Variants in ZBTB41 observed in about 807,000 individuals in gnomAD.
ZBTB41 encodes the protein zinc finger and BTB domain containing 41, also known as zinc finger and BTB domain-containing protein 41.
Under a neutral mutation model 87.6 loss-of-function variants are expected in ZBTB41, and 42 were observed. That is an observed-to-expected ratio of 0.48 (90% CI 0.37 to 0.62). The LOEUF (loss-of-function observed/expected upper bound fraction) is 0.62, where lower values mean the gene tolerates loss of function less well. Among genes scored for constraint, ZBTB41 ranks in the 20% least tolerant of loss-of-function variants. ZBTB41 has a pLI of 0.00. For synonymous variants in ZBTB41, 364 were observed against 364.0 expected, an observed-to-expected ratio of 1.00 and a Z score of 0.00; for missense variants, 799 against 1,078.9, an observed-to-expected ratio of 0.74 and a Z score of 3.63.
chr1:197,181,350 A>T (rs1429419319), intron 5 of ZBTB41, among the ~76,000 whole-genome samples: 2 of 152,196 alleles, frequency 1.3e-5, no homozygotes, highest in East Asian at 3.8e-4. Flanking sequence ...TAATGAGTTA[A>T]CAAATTGAAA....
At chr1:197,161,882 A>G (rs940979033) in intron 10 of ZBTB41, among the ~76,000 whole-genome samples, 3 of 152,048 alleles carry the variant, frequency 2.0e-5, no homozygotes, top group Non-Finnish European at 4.4e-5. Context: ...CCACAGCAAT[A>G]CTAACACCAC....
In ZBTB41 at chr1:197,159,400, TAGTG is replaced by T; in HGVS notation, c.2685_2688del (p.Ser895ArgfsTer16). Reference sequence around the variant, plus strand: ...TTCGTAGAAATATTTTGAACACCAGTAGTGCTATCAAGGCCCAGTAATGTTCCAA... The same window carrying T: ...TTCGTAGAAATATTTTGAACACCAGTCTATCAAGGCCCAGTAATGTTCCAA... On this transcript the variant is annotated frameshift_variant, in exon 11 of 11. Coordinates refer to ENST00000367405, the MANE Select transcript of ZBTB41 (RefSeq NM_194314.3). LOFTEE classifies it high-confidence loss of function. 1 of 1,613,822 alleles carries T rather than the reference TAGTG, an allele frequency of 6.2e-7. No homozygotes were observed. The highest frequency in any genetic ancestry group is 8.5e-7 in the Non-Finnish European group (1 of 1,179,756).
At chr1:197,165,933 A>G (rs1659333833) in intron 10 of ZBTB41, among the ~76,000 whole-genome samples, 1 of 152,130 alleles carries the variant, frequency 6.6e-6, no homozygotes, top group Admixed American at 6.6e-5. Context: ...CAGTGGGTGC[A>G]GCCCATGGGG....
chr1:197,154,492 C>T lies in ZBTB41; in HGVS notation c.*4867G>A, dbSNP rs1362446041. 1.3e-5 allele frequency: 2 copies of T among 151,994 alleles called. No individual in the cohort carries two copies. Among genetic ancestry groups the T allele is most frequent in the African/African-American group, 4.8e-5 (2 of 41,414 alleles). 9.4% of individuals were successfully genotyped at this position (151,994 alleles called of 1,614,324 possible). On this transcript the variant is annotated 3_prime_UTR_variant, in exon 11 of 11. Transcript: ENST00000367405. The stretch of plus-strand genomic sequence containing the variant: ...CACAGCAAGTTGAAACATGAGTAAA[C>T]AAAACATAAGCACTCTCTCTACAAA...
Position 197,200,342 on chromosome 1 carries a change from A to C in ZBTB41, c.132T>G (p.Thr44=). Residue 44 remains threonine (T), a synonymous_variant, in exon 2 of 11, where the codon ACT becomes ACG. Transcript: ENST00000367405. ...CCTGGTAACAGTGAAGAGCTTCAGG[A>C]GTTGGTCTTCCTGCAGAATGAGTAT... ...VTYTHSAGRP[T]PEALHCYQEL... is the part of the protein sequence containing the mutation. The C allele has an allele frequency of 6.2e-7, 1 of 1,614,192 alleles. No individual in the cohort carries two copies. Among genetic ancestry groups the C allele is most frequent in the Non-Finnish European group, 8.5e-7 (1 of 1,180,036 alleles).
chr1:197,174,563 T>A (rs1468177399), intron 9 of ZBTB41, among the ~76,000 whole-genome samples: 1 of 152,106 alleles, frequency 6.6e-6, no homozygotes, highest in Non-Finnish European at 1.5e-5. Flanking sequence ...CTAACCTCAG[T>A]TAAACTTGGA....
rs1295184981 is a variant in ZBTB41, at chr1:197,158,121, G to A, written c.*1238C>T. 1 of 152,250 alleles carries A rather than the reference G, an allele frequency of 6.6e-6. No individual in the cohort carries two copies. The highest frequency in any genetic ancestry group is 1.9e-4 in the East Asian group (1 of 5,196). 9.4% of individuals were successfully genotyped at this position (152,250 alleles called of 1,614,324 possible). On this transcript the variant is annotated 3_prime_UTR_variant, in exon 11 of 11. Coordinates refer to ENST00000367405, the MANE Select transcript of ZBTB41 (RefSeq NM_194314.3). ...AATATGGAAAGTGCATGTCTTTAAA[G>A]GTATTTTATAATTTTGACTTTTTCC...
At chr1:197,167,939 A>T (rs368865540) in intron 10 of ZBTB41, among the ~76,000 whole-genome samples, 13 of 152,118 alleles carry the variant, frequency 8.5e-5, no homozygotes, top group South Asian at 8.3e-4. Context: ...AGAGAGAGAG[A>T]GTGTGTGTTA....
intron 5 of ZBTB41, among the ~76,000 whole-genome samples, chr1:197,181,671 C>A (rs1350318350): frequency 6.6e-6 from 1 of 152,116 alleles, no homozygotes; most frequent in Non-Finnish European, 1.5e-5. Flanking sequence ...TTAGTAAATA[C>A]AGCTCAAAGA....
chr1:197,194,552 T>C (rs1660114071), intron 2 of ZBTB41, among the ~76,000 whole-genome samples: 1 of 148,316 alleles, frequency 6.7e-6, no homozygotes, highest in Non-Finnish European at 1.5e-5. Flanking sequence ...ATATTAAAAA[T>C]TAAAATCACT....
chr1:197,200,238 T>C lies in ZBTB41; in HGVS notation c.236A>G (p.Asp79Gly), dbSNP rs1660278070. 2.5e-6 allele frequency: 4 copies of C among 1,612,464 alleles called. No individual in the cohort carries two copies. Among genetic ancestry groups the C allele is most frequent in the Non-Finnish European group, 3.4e-6 (4 of 1,179,622 alleles). The stretch of plus-strand genomic sequence containing the variant: ...AAAAGATGGTTGCTTCTGCCTATCA[T>C]CATTTAAATATTTTAGCAAATTCTT... ...YNKNLLKYLNDDRQKQPSFCD... is the reference protein window; with the variant it reads ...YNKNLLKYLNGDRQKQPSFCD... The change falls in exon 2 of 11, where the codon GAT becomes GGT. Residue 79 changes from aspartate to glycine, a missense_variant. By Grantham distance (94) the Asp-to-Gly change is moderately conservative. Around this residue, in one of 5 missense-constraint regions of ZBTB41, gnomAD observed 59 missense variants for 120.1 expected, o/e 0.49. Transcript: ENST00000367405.
intron 2 of ZBTB41, among the ~76,000 whole-genome samples, chr1:197,193,869 A>C (rs1660092664): frequency 6.6e-6 from 1 of 152,206 alleles, no homozygotes; most frequent in Admixed American, 6.5e-5. Context: ...AAACTGTAAA[A>C]TCAAAAGTAT....
chr1:197,192,300 G>C (rs1351985545), intron 2 of ZBTB41, among the ~76,000 whole-genome samples: 2 of 151,892 alleles, frequency 1.3e-5, no homozygotes. Context: ...CATATTTTTG[G>C]TATCTCTGTG....
chr1:197,184,568 T>C lies in ZBTB41; in HGVS notation c.1547-3451A>G, dbSNP rs151203608. 1.9e-4 allele frequency among the ~76,000 whole-genome samples: 29 copies of C among 152,302 alleles called. No individual in the cohort carries two copies. The East Asian group carries it at 5.6e-3, about 29-fold the overall frequency. Reference sequence around the variant, plus strand: ...AAATGAATGCAATTTTCCAGATCAATTCAAAATCAGACTATTATTTCCCTA... The same window carrying C: ...AAATGAATGCAATTTTCCAGATCAACTCAAAATCAGACTATTATTTCCCTA... On this transcript the variant is annotated intron_variant, in intron 5 of 10. Coordinates refer to ENST00000367405, the MANE Select transcript of ZBTB41 (RefSeq NM_194314.3).
intron 5 of ZBTB41, 23 bp from the exon 6 acceptor site, chr1:197,181,140 G>A (rs1199214637): frequency 2.6e-6 from 4 of 1,553,074 alleles, no homozygotes; most frequent in Non-Finnish European, 2.6e-6. Flanking sequence ...AAAAAAAAGT[G>A]TGCATTTAAA....
chr1:197,155,669 G>A lies in ZBTB41; in HGVS notation c.*3690C>T, dbSNP rs997946580. ...TTATTAACCCTTAATTAGCAGTTTAGAGTCACCCTACAAAGATGCTTTGAC... is the reference window on the plus strand; with the variant it reads ...TTATTAACCCTTAATTAGCAGTTTAAAGTCACCCTACAAAGATGCTTTGAC... On this transcript the variant is annotated 3_prime_UTR_variant, in exon 11 of 11. Coordinates refer to ENST00000367405, the MANE Select transcript of ZBTB41 (RefSeq NM_194314.3). 6.6e-6 allele frequency: 1 copy of A among 152,334 alleles called. No individual in the cohort carries two copies. The highest frequency in any genetic ancestry group is 1.5e-5 in the Non-Finnish European group (1 of 67,810). The allele number at this position is 152,334 out of a possible 1,614,324, so 9.4% of individuals were successfully genotyped here.
At chr1:197,193,306 G>A (rs922309195) in intron 2 of ZBTB41, among the ~76,000 whole-genome samples, 1 of 151,994 alleles carries the variant, frequency 6.6e-6, no homozygotes, top group African/African-American at 2.4e-5. Context: ...GGGAGGCCAA[G>A]GTGGGTGAAC....
chr1:197,195,610 G>T (rs1660144218), intron 2 of ZBTB41, among the ~76,000 whole-genome samples: 1 of 151,856 alleles, frequency 6.6e-6, no homozygotes. Context: ...TTTTTTAAAG[G>T]TATAAAACAT....
At chr1:197,196,757 C>A (rs1660173295) in intron 2 of ZBTB41, among the ~76,000 whole-genome samples, 2 of 152,176 alleles carry the variant, frequency 1.3e-5, no homozygotes. Context: ...TTTCACTATG[C>A]CTCCCTGACC....
Sources: gnomAD v4.1 joint callset for allele counts (sites outside exome capture counted in the v4.1 genomes callset) on GRCh38, gnomAD v4.1.1 for gene constraint, gnomAD v4.1.1 regional missense constraint, MANE v1.5 for transcripts, NCBI Gene and HGNC (gene_info 2026-07-23, HGNC 2026-07-21) for gene names.